CFAP47: variants seen among roughly 807,000 people sequenced by gnomAD.
The protein encoded by CFAP47 is cilia and flagella associated protein 47, also known as cilia- and flagella-associated protein 47.
Under a neutral mutation model 148.1 loss-of-function variants are expected in CFAP47, and 29 were observed. That is an observed-to-expected ratio of 0.20 (90% CI 0.15 to 0.27). The LOEUF is 0.27. Among genes scored for constraint, CFAP47 ranks in the 10% least tolerant of loss-of-function variants. The probability of loss-of-function intolerance (pLI) is 1.00; values close to 1 mark genes in which losing one functional copy is unlikely to be tolerated. For synonymous variants in CFAP47, 664 were observed against 577.3 expected (o/e 1.15, Z -2.15); for missense variants, 1,872 against 1,697.5 (o/e 1.10, Z -1.81).
chrX:36,152,676 G>A (rs750969344), intron 37 of CFAP47, among the ~76,000 whole-genome samples: 4 of 111,718 alleles, frequency 3.6e-5, no homozygotes, highest in Non-Finnish European at 7.5e-5. Context: ...TGATCTTTCT[G>A]TGTGGTTTTC....
At chrX:36,147,751 G>A (rs920090920) in intron 36 of CFAP47, among the ~76,000 whole-genome samples, 2 of 112,329 alleles carry the variant, frequency 1.8e-5, no homozygotes, top group Non-Finnish European at 3.8e-5. Context: ...ATTGAACTAA[G>A]AAAATAATTA....
At chrX:35,964,918 C>T (rs1223205805) in intron 8 of CFAP47, among the ~76,000 whole-genome samples, 1 of 111,334 alleles carries the variant, frequency 9.0e-6, no homozygotes, top group African/African-American at 3.3e-5. Context: ...AAAATATTTA[C>T]AATAGTTAAC....
intron 52 of CFAP47, among the ~76,000 whole-genome samples, chrX:36,299,836 A>G (rs931262362): frequency 2.7e-5 from 3 of 112,412 alleles, no homozygotes; most frequent in South Asian, 3.6e-4. Flanking sequence ...AGTATCCTAC[A>G]ATAGAAACCA....
intron 26 of CFAP47, among the ~76,000 whole-genome samples, chrX:36,055,115 T>A (rs1343449986): frequency 6.4e-5 from 7 of 109,813 alleles, no homozygotes; most frequent in Admixed American, 1.9e-4. Context: ...TTTTTTTTTT[T>A]AATTTAACAC....
chrX:35,962,345 C>T (rs1008299878), intron 8 of CFAP47, among the ~76,000 whole-genome samples: 1 of 111,088 alleles, frequency 9.0e-6, no homozygotes, highest in East Asian at 2.8e-4. Flanking sequence ...GTCTAATTGG[C>T]TTATGATGTT....
intron 45 of CFAP47, among the ~76,000 whole-genome samples, chrX:36,228,415 C>G (rs5972031): frequency 0.22 from 24,575 of 110,088 alleles, 4,943 homozygotes; most frequent in African/African-American, 0.65. Flanking sequence ...TTGAGGAGCA[C>G]ACTGTTCTCT....
chrX:36,124,408 A>G (rs1938800749), intron 33 of CFAP47, among the ~76,000 whole-genome samples: 2 of 111,412 alleles, frequency 1.8e-5, no homozygotes, highest in African/African-American at 3.3e-5. Context: ...AGAGGACTTT[A>G]GTCTGTGATG....
At position 35,959,524 on chromosome X, in the gene CFAP47, G is replaced by T. The variant is rs190523864; in HGVS notation, c.1410+3328G>T. 4.8e-3 allele frequency among the ~76,000 whole-genome samples: 534 copies of T among 111,735 alleles called. 2 individuals carry two copies. Among genetic ancestry groups the T allele is most frequent in the African/African-American group, 0.016 (500 of 30,726 alleles). ...TTAGCTCAAACTGTTAAATCTATTTGTTGGTCGGGCGCGGTGGCTCACGCC... is the reference window on the plus strand; with the variant it reads ...TTAGCTCAAACTGTTAAATCTATTTTTTGGTCGGGCGCGGTGGCTCACGCC... On this transcript the variant is annotated intron_variant, in intron 8 of 63. Transcript: ENST00000378653.
At position 36,235,833 on chromosome X, in the gene CFAP47, A is replaced by G. The variant is rs1400553731; in HGVS notation, c.7015-101A>G. On this transcript the variant is annotated intron_variant, in intron 46 of 63. Transcript: ENST00000378653. ...GTGATTCCTTGGAAATACAATTAAA[A>G]ATACAATATATAATGCTATAGAAAT... 1.1e-5 allele frequency: 4 copies of G among 357,632 alleles called. No individual in the cohort carries two copies. In the East Asian group the frequency reaches 1.8e-4, roughly 16 times the overall value. The allele number at this position is 357,632 out of a possible 1,213,427, so 29.5% of individuals were successfully genotyped here. A position where few individuals can be genotyped will look rare whatever the true frequency, so the allele number is the denominator to read the frequency against.
At chrX:36,063,614 AATT>A (rs765165187) in intron 26 of CFAP47, among the ~76,000 whole-genome samples, 92 of 112,036 alleles carry the variant, frequency 8.2e-4, no homozygotes, top group African/African-American at 2.9e-3. Flanking sequence ...TTATTTTCAG[AATT>A]ATTTTCGTTA....
chrX:36,267,900 C>T (rs933552237), intron 49 of CFAP47, among the ~76,000 whole-genome samples: 2 of 112,443 alleles, frequency 1.8e-5, no homozygotes, highest in African/African-American at 3.2e-5. Flanking sequence ...TTTTTCTTTT[C>T]GTTTACAATT....
intron 51 of CFAP47, among the ~76,000 whole-genome samples, chrX:36,289,840 C>T (rs1293314252): frequency 8.9e-6 from 1 of 111,746 alleles, no homozygotes; most frequent in Non-Finnish European, 1.9e-5. Flanking sequence ...TCACTTCAAC[C>T]GAGAGTGGAC....
At chrX:36,084,599 A>C (rs1267087819) in intron 29 of CFAP47, among the ~76,000 whole-genome samples, 3 of 111,891 alleles carry the variant, frequency 2.7e-5, no homozygotes, top group African/African-American at 9.7e-5. Context: ...CTCATTGCTA[A>C]CAGTTAGACA....
At chrX:36,257,962 G>A (rs1195863101) in intron 49 of CFAP47, among the ~76,000 whole-genome samples, 2 of 112,070 alleles carry the variant, frequency 1.8e-5, no homozygotes, top group Non-Finnish European at 3.8e-5. Context: ...ATCCATGACT[G>A]TTAGTAGCCT....
chrX:36,178,135 T>C (rs766451749), intron 39 of CFAP47, among the ~76,000 whole-genome samples: 2 of 111,304 alleles, frequency 1.8e-5, no homozygotes, highest in East Asian at 5.6e-4. Context: ...AAACATTGGG[T>C]ACACATGGAC....
At chrX:36,304,346 C>T (rs1941327966) in intron 54 of CFAP47, among the ~76,000 whole-genome samples, 3 of 108,523 alleles carry the variant, frequency 2.8e-5, no homozygotes, top group Admixed American at 9.9e-5. Flanking sequence ...CGTGCCACTG[C>T]CCTCCATCCT....
At chrX:35,925,290 C>T (rs941907498) in intron 1 of CFAP47, among the ~76,000 whole-genome samples, 2 of 110,601 alleles carry the variant, frequency 1.8e-5, no homozygotes, top group Non-Finnish European at 3.8e-5. Context: ...AGGAGAATGG[C>T]GTGAACCCCA....
intron 13 of CFAP47, among the ~76,000 whole-genome samples, chrX:35,973,817 C>T (rs1330973116): frequency 7.1e-5 from 8 of 112,471 alleles, no homozygotes; most frequent in Admixed American, 1.9e-4. Flanking sequence ...AAGTGCCTTA[C>T]ACATAATAAG....
In CFAP47 at chrX:36,237,279, A is replaced by G. The variant is rs1294250023; in HGVS notation, c.7332+420A>G. Among the ~76,000 whole-genome samples the G allele has an allele frequency of 2.7e-5, 3 of 111,993 alleles. No homozygotes were observed. The Admixed American group carries it at 2.8e-4, about 11-fold the overall frequency. ...GTAAATAATGGTGGAAATATTAAGG[A>G]ATGCATAATTGTTTACACCCTTTTA... is the stretch of plus-strand genomic sequence containing the variant. On this transcript the variant is annotated intron_variant, in intron 48 of 63. Coordinates refer to ENST00000378653, the MANE Select transcript of CFAP47 (RefSeq NM_001304548.2).
Sources: gnomAD v4.1 joint callset for allele counts (sites outside exome capture counted in the v4.1 genomes callset) on GRCh38, gnomAD v4.1.1 for gene constraint, MANE v1.5 for transcripts, NCBI Gene and HGNC (gene_info 2026-07-23, HGNC 2026-07-21) for gene names.